ELF1: variants seen among roughly 807,000 people sequenced by gnomAD.
ELF1 encodes the protein E74 like ETS transcription factor 1.
A neutral mutation model predicts 59.9 loss-of-function variants in ELF1; 24 were observed. The observed-to-expected ratio is 0.40, with a 90% CI of 0.29 to 0.56. The LOEUF (loss-of-function observed/expected upper bound fraction) is 0.56. Among genes scored for constraint, ELF1 ranks in the 20% least tolerant of loss-of-function variants. The pLI is 0.44. For synonymous variants in ELF1, 248 were observed against 266.2 expected, an observed-to-expected ratio of 0.93 and a Z score of 0.67; for missense variants, 627 against 742.2, an observed-to-expected ratio of 0.84 and a Z score of 1.80.
chr13:41,004,718 C>A (rs981848155), intron 1 of ELF1, among the ~76,000 whole-genome samples: 29 of 152,082 alleles, frequency 1.9e-4, no homozygotes, highest in African/African-American at 7.0e-4. Context: ...CCTAATATTT[C>A]ATAGTGAATT....
chr13:40,954,061 G>A (rs1871037477), intron 3 of ELF1, among the ~76,000 whole-genome samples: 1 of 152,160 alleles, frequency 6.6e-6, no homozygotes, highest in African/African-American at 2.4e-5. Context: ...CCAGATACAT[G>A]CATAGTGGTG....
intron 1 of ELF1, among the ~76,000 whole-genome samples, chr13:41,053,414 G>A (rs547882042): frequency 9.2e-5 from 14 of 152,156 alleles, no homozygotes; most frequent in Middle Eastern, 3.4e-3. Context: ...TTACCAAAAC[G>A]TAAGGTCCTT....
intron 2 of ELF1, among the ~76,000 whole-genome samples, chr13:40,975,428 AAAC>A (rs1366896235): frequency 6.6e-6 from 1 of 152,230 alleles, no homozygotes; most frequent in African/African-American, 2.4e-5. Context: ...GTAGAGGGAA[AAAC>A]AAAAGCATCC....
chr13:41,003,569 A>C (rs1347982557), intron 1 of ELF1, among the ~76,000 whole-genome samples: 1 of 152,210 alleles, frequency 6.6e-6, no homozygotes, highest in Non-Finnish European at 1.5e-5. Flanking sequence ...CTCTGTTGAC[A>C]AGACGACTGC....
At chr13:41,049,008 T>C (rs1876978446) in intron 1 of ELF1, among the ~76,000 whole-genome samples, 1 of 152,230 alleles carries the variant, frequency 6.6e-6, no homozygotes, top group South Asian at 2.1e-4. Flanking sequence ...TCAGAACTTG[T>C]TGTGTTAGAC....
chr13:40,962,627 A>G (rs941991405), intron 2 of ELF1, among the ~76,000 whole-genome samples: 1 of 151,372 alleles, frequency 6.6e-6, no homozygotes, highest in Non-Finnish European at 1.5e-5. Flanking sequence ...CGGAGGTTGC[A>G]GTGAACCAAG....
chr13:40,940,094 A>C (rs1204649223), intron 8 of ELF1, among the ~76,000 whole-genome samples: 1 of 152,236 alleles, frequency 6.6e-6, no homozygotes, highest in Non-Finnish European at 1.5e-5. Flanking sequence ...TCTGGAATAT[A>C]AAAATGTAAG....
chr13:41,033,849 A>G (rs1876268573), intron 1 of ELF1, among the ~76,000 whole-genome samples: 1 of 152,186 alleles, frequency 6.6e-6, no homozygotes, highest in Non-Finnish European at 1.5e-5. Flanking sequence ...TTTCTTGAAG[A>G]GACAAAACTA....
chr13:41,052,822 A>G (rs1021271214), intron 1 of ELF1, among the ~76,000 whole-genome samples: 1 of 152,246 alleles, frequency 6.6e-6, no homozygotes, highest in Non-Finnish European at 1.5e-5. Context: ...GATCTACATT[A>G]TATGGCAATT....
At chr13:41,035,153 A>G (rs1027018834) in intron 1 of ELF1, among the ~76,000 whole-genome samples, 4 of 152,264 alleles carry the variant, frequency 2.6e-5, no homozygotes, top group Admixed American at 6.5e-5. Context: ...GGTTACTGCT[A>G]TGCGCAAAGC....
intron 7 of ELF1, among the ~76,000 whole-genome samples, chr13:40,942,028 T>A (rs1166377244): frequency 6.6e-6 from 1 of 152,210 alleles, no homozygotes; most frequent in Non-Finnish European, 1.5e-5. Context: ...CCTCCACGGC[T>A]TTCTAGAAAT....
intron 1 of ELF1, among the ~76,000 whole-genome samples, chr13:41,011,147 C>G (rs1269634125): frequency 6.6e-6 from 1 of 152,164 alleles, no homozygotes; most frequent in African/African-American, 2.4e-5. Flanking sequence ...TGGTTAGATT[C>G]AACAATCTAT....
intron 1 of ELF1, chr13:41,060,817 T>G (rs115373616): frequency 8.7e-6 from 2 of 228,628 alleles, no homozygotes; most frequent in South Asian, 5.3e-5. Flanking sequence ...GGAAGTGCTA[T>G]GAGAAACTGC....
upstream of ELF1, among the ~76,000 whole-genome samples, chr13:41,021,684 A>G (rs566110453): frequency 6.6e-6 from 1 of 152,334 alleles, no homozygotes; most frequent in East Asian, 1.9e-4. Context: ...GAGGATTAAA[A>G]TAAGTCCACA....
intron 8 of ELF1, among the ~76,000 whole-genome samples, chr13:40,940,321 A>AT: frequency 6.8e-6 from 1 of 147,392 alleles, no homozygotes; most frequent in South Asian, 2.2e-4. Context: ...AGGCAGACAG[A>AT]TCCTCTCAGT....
chr13:40,978,188 G>A (rs575765021), intron 2 of ELF1, among the ~76,000 whole-genome samples: 1 of 152,158 alleles, frequency 6.6e-6, no homozygotes, highest in African/African-American at 2.4e-5. Flanking sequence ...GACCATCCTG[G>A]GCAACATGGT....
intron 1 of ELF1, among the ~76,000 whole-genome samples, chr13:41,052,177 TGA>T (rs1877115852): frequency 1.3e-5 from 2 of 152,142 alleles, no homozygotes; most frequent in Non-Finnish European, 2.9e-5. Context: ...TGACCTCAAG[TGA>T]TCTGCCCACC....
At chr13:40,986,934 GC>G (rs1566181199) in intron 1 of ELF1, among the ~76,000 whole-genome samples, 2 of 11,596 alleles carry the variant, frequency 1.7e-4, no homozygotes, top group African/African-American at 4.0e-4. Flanking sequence ...GAAAATCATT[GC>G]TCTTTTTTTT....
intron 4 of ELF1, among the ~76,000 whole-genome samples, chr13:40,950,194 C>T (rs539526561): frequency 6.6e-6 from 1 of 152,212 alleles, no homozygotes; most frequent in Admixed American, 6.5e-5. Flanking sequence ...CTTCCTATCA[C>T]CAGTCTGTCT....
Sources: gnomAD v4.1 joint callset for allele counts (sites outside exome capture counted in the v4.1 genomes callset) on GRCh38, gnomAD v4.1.1 for gene constraint, MANE v1.5 for transcripts, NCBI Gene and HGNC (gene_info 2026-07-23, HGNC 2026-07-21) for gene names.